Variants in CNTNAP2 observed in about 807,000 individuals in gnomAD.
The protein encoded by CNTNAP2 is contactin associated protein 2, also known as contactin-associated protein-like 2.
A neutral mutation model predicts 155.2 loss-of-function variants in CNTNAP2; 98 were observed. That is an observed-to-expected ratio of 0.63 (90% CI 0.54 to 0.75). The LOEUF is 0.75. Among genes scored for constraint, CNTNAP2 ranks in the 30% least tolerant of loss-of-function variants. The pLI, the probability that CNTNAP2 is intolerant of heterozygous loss-of-function variation, is 0.00. For synonymous variants in CNTNAP2, 651 were observed against 631.2 expected, an observed-to-expected ratio of 1.03 and a Z score of -0.47; for missense variants, 1,727 against 1,688.1, an observed-to-expected ratio of 1.02 and a Z score of -0.40.
At chr7:146,127,941 T>A (rs371814719) in intron 1 of CNTNAP2, among the ~76,000 whole-genome samples, 1 of 152,180 alleles carries the variant, frequency 6.6e-6, no homozygotes, top group Non-Finnish European at 1.5e-5. Flanking sequence ...AAAATATAAT[T>A]TTATAAGTAT....
At chr7:147,180,971 C>T (rs999088205) in intron 8 of CNTNAP2, among the ~76,000 whole-genome samples, 1 of 151,952 alleles carries the variant, frequency 6.6e-6, no homozygotes, top group African/African-American at 2.4e-5. Flanking sequence ...ATAACAAACA[C>T]CTAGAACACA....
rs190068941 is a variant in CNTNAP2 at position 147,747,024 on chromosome 7, T to C, written c.2098+107718T>C. 3.2e-4 allele frequency among the ~76,000 whole-genome samples: 48 copies of C among 152,328 alleles called. 1 individual carries two copies. The highest frequency in any genetic ancestry group is 1.1e-3 in the African/African-American group (45 of 41,568). ...TGTGGAGAAATTGTGCTGTGTGTTCTACAAGAAAGGGTCACATTTGGCTTT... is the reference window on the plus strand; with the variant it reads ...TGTGGAGAAATTGTGCTGTGTGTTCCACAAGAAAGGGTCACATTTGGCTTT... On this transcript the variant is annotated intron_variant, in intron 13 of 23. Coordinates refer to ENST00000361727, the MANE Select transcript of CNTNAP2 (RefSeq NM_014141.6).
chr7:146,773,523 A>G (rs10232925), intron 1 of CNTNAP2, among the ~76,000 whole-genome samples: 67,627 of 152,028 alleles, frequency 0.44, 18,258 homozygotes, highest in African/African-American at 0.77. Flanking sequence ...AGCCTCCCGA[A>G]TACCTGGGAT....
chr7:146,689,885 C>T (rs1800667787), intron 1 of CNTNAP2, among the ~76,000 whole-genome samples: 1 of 151,976 alleles, frequency 6.6e-6, no homozygotes, highest in Non-Finnish European at 1.5e-5. Flanking sequence ...ATGGATATAT[C>T]AATGAGTTAC....
At chr7:147,637,678 C>T (rs1232830781) in intron 12 of CNTNAP2, among the ~76,000 whole-genome samples, 2 of 152,026 alleles carry the variant, frequency 1.3e-5, no homozygotes, top group Non-Finnish European at 2.9e-5. Context: ...TTCCTCTCTC[C>T]CTTATAAATT....
chr7:146,651,706 T>G (rs989375032), intron 1 of CNTNAP2, among the ~76,000 whole-genome samples: 2 of 152,170 alleles, frequency 1.3e-5, no homozygotes, highest in African/African-American at 4.8e-5. Flanking sequence ...CTTATTGCTG[T>G]CACTCCCTTC....
At chr7:147,435,957 ATTTCT>A (rs1211233920) in intron 10 of CNTNAP2, among the ~76,000 whole-genome samples, 2 of 152,012 alleles carry the variant, frequency 1.3e-5, no homozygotes, top group South Asian at 2.1e-4. Context: ...TTTGTTTTTC[ATTTCT>A]TTTATTTTTT....
chr7:147,397,005 A>G (rs1399392131), intron 10 of CNTNAP2, among the ~76,000 whole-genome samples: 5 of 152,214 alleles, frequency 3.3e-5, no homozygotes, highest in South Asian at 4.1e-4. Context: ...AAAATAATCT[A>G]TTTTGAAGTA....
intron 4 of CNTNAP2, among the ~76,000 whole-genome samples, chr7:147,046,342 A>T (rs1401386696): frequency 1.3e-5 from 2 of 152,220 alleles, no homozygotes; most frequent in Non-Finnish European, 2.9e-5. Flanking sequence ...TTTTTCAAAA[A>T]AATTTCACAC....
chr7:148,311,854 G>A (rs770358446), intron 21 of CNTNAP2, among the ~76,000 whole-genome samples: 1 of 152,158 alleles, frequency 6.6e-6, no homozygotes, highest in Non-Finnish European at 1.5e-5. Flanking sequence ...GGGGAAATGG[G>A]GTGAATGTCA....
intron 14 of CNTNAP2, among the ~76,000 whole-genome samples, chr7:147,968,135 A>G (rs972356907): frequency 6.6e-6 from 1 of 152,204 alleles, no homozygotes; most frequent in Non-Finnish European, 1.5e-5. Flanking sequence ...TTTTGTGTTG[A>G]TTGTACAAAG....
chr7:147,760,257 A>AG (rs1156499352), intron 13 of CNTNAP2, among the ~76,000 whole-genome samples: 1 of 151,958 alleles, frequency 6.6e-6, no homozygotes, highest in African/African-American at 2.4e-5. Context: ...AAAAAAAAAA[A>AG]GAATTGAAGA....
At chr7:148,144,927 C>G (rs545904165) in intron 16 of CNTNAP2, among the ~76,000 whole-genome samples, 56 of 152,216 alleles carry the variant, frequency 3.7e-4, no homozygotes, top group African/African-American at 1.2e-3. Context: ...AGACCAAGAG[C>G]AATCAGCCAC....
intron 21 of CNTNAP2, among the ~76,000 whole-genome samples, chr7:148,338,550 G>A (rs974443658): frequency 6.6e-6 from 1 of 150,506 alleles, no homozygotes; most frequent in Non-Finnish European, 1.5e-5. Context: ...TAATTGGGGC[G>A]TGGGGGGGTG....
At chr7:146,936,290 TAATC>T (rs1295484185) in intron 3 of CNTNAP2, among the ~76,000 whole-genome samples, 1 of 152,162 alleles carries the variant, frequency 6.6e-6, no homozygotes, top group African/African-American at 2.4e-5. Flanking sequence ...AAGTGTGACA[TAATC>T]AAGCTAAGAC....
intron 16 of CNTNAP2, among the ~76,000 whole-genome samples, chr7:148,132,141 C>A (rs1437890071): frequency 6.6e-6 from 1 of 151,970 alleles, no homozygotes; most frequent in Admixed American, 6.6e-5. Flanking sequence ...TTTAAAGCAA[C>A]AAGAAATAAA....
chr7:146,967,585 T>C (rs1184519618), intron 3 of CNTNAP2, among the ~76,000 whole-genome samples: 1 of 152,134 alleles, frequency 6.6e-6, no homozygotes, highest in Non-Finnish European at 1.5e-5. Context: ...TGAATGGGAG[T>C]TCACACATGA....
intron 3 of CNTNAP2, among the ~76,000 whole-genome samples, chr7:147,022,963 T>C (rs763418551): frequency 6.6e-6 from 1 of 152,186 alleles, no homozygotes; most frequent in Non-Finnish European, 1.5e-5. Flanking sequence ...CATGGTTTGT[T>C]ATCTATGGAA....
intron 1 of CNTNAP2, among the ~76,000 whole-genome samples, chr7:146,366,875 C>A (rs1399528686): frequency 6.6e-6 from 1 of 152,096 alleles, no homozygotes; most frequent in Non-Finnish European, 1.5e-5. Context: ...ACATAAATTT[C>A]ATAGATAATC....
Sources: allele counts gnomAD v4.1 joint callset (sites outside exome capture counted in the v4.1 genomes callset), GRCh38; gene constraint gnomAD v4.1.1; transcripts MANE v1.5; gene names NCBI Gene and HGNC (gene_info 2026-07-23, HGNC 2026-07-21).